Variants in GPHN observed in about 807,000 individuals in gnomAD.
GPHN encodes the protein gephyrin.
In GPHN, 17 loss-of-function variants were observed where a neutral mutation model predicts 95.5. The ratio of observed to expected loss-of-function variants is 0.18; its 90% confidence interval spans 0.12 to 0.27. The LOEUF is 0.27. GPHN is among the 10% of genes least tolerant of loss of function. GPHN has a pLI of 1.00. For missense variants in GPHN, 660 were observed against 978.1 expected (o/e 0.67, Z 4.34); for synonymous variants, 320 against 322.5 (o/e 0.99, Z 0.08).
At chr14:66,635,070 C>A (rs72726432) in intron 1 of GPHN, among the ~76,000 whole-genome samples, 8,817 of 152,178 alleles carry the variant, frequency 0.058, 357 homozygotes, top group Middle Eastern at 0.099. Context: ...GTGCTTGTTG[C>A]CAGCTAGAAC....
chr14:67,360,548 T>G, the GPHN span: 1 of 224,640 alleles, frequency 4.5e-6, no homozygotes, highest in Non-Finnish European at 8.6e-6. Flanking sequence ...CCCGGGCTAA[T>G]ACCTCCCTTT....
chr14:67,087,564 T>G (rs1356102246), intron 11 of GPHN, among the ~76,000 whole-genome samples: 2 of 152,180 alleles, frequency 1.3e-5, no homozygotes, highest in East Asian at 3.8e-4. Context: ...TAGAATCTGC[T>G]AAGTTCTCCC....
chr14:66,559,036 T>C (rs1407698665), intron 1 of GPHN, among the ~76,000 whole-genome samples: 1 of 152,038 alleles, frequency 6.6e-6, no homozygotes, highest in Admixed American at 6.6e-5. Flanking sequence ...TGATTTCCAA[T>C]TTCATCCATG....
chr14:67,002,984 C>T (rs1804376987), intron 9 of GPHN, among the ~76,000 whole-genome samples: 1 of 151,492 alleles, frequency 6.6e-6, no homozygotes, highest in African/African-American at 2.4e-5. Flanking sequence ...ACCATTCCTG[C>T]CTTACTTCTT....
chr14:66,837,086 A>G (rs1223727367), intron 4 of GPHN, among the ~76,000 whole-genome samples: 13 of 151,170 alleles, frequency 8.6e-5, no homozygotes, highest in Non-Finnish European at 1.8e-4. Flanking sequence ...CAGCCATCCC[A>G]TTACTGGGTA....
At chr14:67,607,972 C>T in the GPHN span, among the ~76,000 whole-genome samples, 5 of 152,076 alleles carry the variant, frequency 3.3e-5, no homozygotes, top group African/African-American at 1.2e-4. Flanking sequence ...TTTGGTGGCT[C>T]ACGCCTGTAA....
chr14:67,255,211 G>A, the GPHN span, among the ~76,000 whole-genome samples: 4,007 of 152,180 alleles, frequency 0.026, 103 homozygotes, highest in Admixed American at 0.069. Context: ...CTTCAGACAC[G>A]TTTTTCAGGG....
At chr14:66,862,946 A>G (rs2063084699) in intron 4 of GPHN, among the ~76,000 whole-genome samples, 1 of 152,180 alleles carries the variant, frequency 6.6e-6, no homozygotes, top group Non-Finnish European at 1.5e-5. Context: ...CAGCACTATT[A>G]TTCAGCGTAC....
At chr14:66,899,924 T>A (rs541970044) in intron 5 of GPHN, among the ~76,000 whole-genome samples, 2 of 152,038 alleles carry the variant, frequency 1.3e-5, no homozygotes, top group South Asian at 4.1e-4. Flanking sequence ...TTTTTTACTA[T>A]AAATTGAATT....
chr14:66,564,643 T>C (rs907347539), intron 1 of GPHN, among the ~76,000 whole-genome samples: 1 of 152,200 alleles, frequency 6.6e-6, no homozygotes, highest in Non-Finnish European at 1.5e-5. Flanking sequence ...TTGATATATG[T>C]AGCAAATAAC....
chr14:67,045,849 CT>C (rs1302660954), intron 10 of GPHN, among the ~76,000 whole-genome samples: 18 of 152,128 alleles, frequency 1.2e-4, no homozygotes, highest in Non-Finnish European at 2.6e-4. Flanking sequence ...CTCCTTTCCT[CT>C]CTTTCTTTTT....
At chr14:66,733,799 A>T (rs1297340168) in intron 2 of GPHN, among the ~76,000 whole-genome samples, 1 of 152,240 alleles carries the variant, frequency 6.6e-6, no homozygotes, top group African/African-American at 2.4e-5. Flanking sequence ...AAAGACTGAA[A>T]TAATCTATTA....
chr14:67,065,188 G>C (rs1211042591), intron 11 of GPHN, among the ~76,000 whole-genome samples: 1 of 152,062 alleles, frequency 6.6e-6, no homozygotes, highest in Non-Finnish European at 1.5e-5. Flanking sequence ...ATTTCATTAT[G>C]TACCCAGTAG....
chr14:66,833,793 A>G (rs1267488675), intron 4 of GPHN, among the ~76,000 whole-genome samples: 2 of 152,176 alleles, frequency 1.3e-5, no homozygotes, highest in Non-Finnish European at 2.9e-5. Flanking sequence ...AAACCTTTTC[A>G]GTCAATATTT....
the GPHN span, among the ~76,000 whole-genome samples, chr14:67,701,572 C>T: frequency 6.6e-5 from 10 of 151,500 alleles, no homozygotes; most frequent in Admixed American, 2.6e-4. Flanking sequence ...TACAGGCATG[C>T]GCCACCATAC....
intron 4 of GPHN, among the ~76,000 whole-genome samples, chr14:66,857,317 C>G (rs574183051): frequency 6.6e-6 from 1 of 152,156 alleles, no homozygotes; most frequent in Admixed American, 6.5e-5. Flanking sequence ...TGAAAAAACA[C>G]AAATCCAGAA....
rs1215169627 is a variant in GPHN at position 66,924,241 on chromosome 14, A to G, written c.777A>G (p.Glu259=). ...TSPAVVMAHG[E]QPIPGLINYS... The stretch of plus-strand genomic sequence containing the variant: ...CTGCTGTTGTCATGGCACACGGTGA[A>G]CAGCCCATCCCTGGTCTCATCAATT... Residue 259 remains glutamate (E), a synonymous_variant, in exon 8 of 23, where the codon GAA becomes GAG. Transcript: ENST00000478722. 7 of 1,612,200 alleles carry G rather than the reference A, an allele frequency of 4.3e-6. No homozygotes were observed. The highest frequency in any genetic ancestry group is 5.9e-6 in the Non-Finnish European group (7 of 1,178,346).
chr14:67,196,856 G>T, the GPHN span: 4 of 152,194 alleles, frequency 2.6e-5, no homozygotes, highest in South Asian at 8.3e-4. Context: ...AACTCTTTCT[G>T]AGGCCTTGAC....
chr14:67,269,295 C>T, the GPHN span, among the ~76,000 whole-genome samples: 1 of 151,872 alleles, frequency 6.6e-6, no homozygotes, highest in African/African-American at 2.4e-5. Context: ...ACTTTTTTTG[C>T]TATTACGAAT....
Sources: gnomAD v4.1 joint callset for allele counts (sites outside exome capture counted in the v4.1 genomes callset) on GRCh38, gnomAD v4.1.1 for gene constraint, MANE v1.5 for transcripts, NCBI Gene and HGNC (gene_info 2026-07-23, HGNC 2026-07-21) for gene names.